NKD1: variants seen among roughly 807,000 people sequenced by gnomAD.
NKD1 encodes protein naked cuticle homolog 1.
Under a neutral mutation model 56.0 loss-of-function variants are expected in NKD1, and 21 were observed. The observed-to-expected ratio is 0.38, with a 90% CI of 0.27 to 0.54. The LOEUF is 0.54. Among genes scored for constraint, NKD1 ranks in the 20% least tolerant of loss-of-function variants. The probability of loss-of-function intolerance (pLI) is 0.82; values close to 1 mark genes in which losing one functional copy is unlikely to be tolerated. For synonymous variants in NKD1, 263 were observed against 265.7 expected (o/e 0.99, Z 0.10); for missense variants, 578 against 642.7 (o/e 0.90, Z 1.09).
At chr16:50,625,026 C>T (rs912574845) in intron 5 of NKD1, among the ~76,000 whole-genome samples, 3 of 152,158 alleles carry the variant, frequency 2.0e-5, no homozygotes, top group African/African-American at 4.8e-5. Context: ...TGCCCAGGGT[C>T]ACACAGCTGT....
At position 50,598,473 on chromosome 16, in the gene NKD1, A is replaced by G. The variant is rs573037574; in HGVS notation, c.193-9821A>G. On this transcript the variant is annotated intron_variant, in intron 3 of 9. Transcript: ENST00000268459. The surrounding 1 kb of genome is among the most constrained non-coding windows in gnomAD (Gnocchi z 4.2). Reference sequence around the variant, plus strand: ...GGGCAGGAGCACACATCCTTTCCCCACAGTGAGGTGGCCTATGGCTATGGG... The same window carrying G: ...GGGCAGGAGCACACATCCTTTCCCCGCAGTGAGGTGGCCTATGGCTATGGG... Among the ~76,000 whole-genome samples, 1 of 152,210 alleles carries G rather than the reference A, an allele frequency of 6.6e-6. No individual in the cohort carries two copies. Among genetic ancestry groups the G allele is most frequent in the East Asian group, 1.9e-4 (1 of 5,162 alleles).
intron 5 of NKD1, 101 bp downstream of exon 5, chr16:50,621,809 C>A: frequency 1.2e-6 from 1 of 842,676 alleles, no homozygotes; most frequent in Non-Finnish European, 1.9e-6. Flanking sequence ...GACAGGAAGG[C>A]CCCTCCCCTG....
intron 3 of NKD1, among the ~76,000 whole-genome samples, chr16:50,582,761 C>T (rs1438668263): frequency 6.6e-6 from 1 of 152,230 alleles, no homozygotes; most frequent in African/African-American, 2.4e-5. Flanking sequence ...GTAATCCTAG[C>T]ACTTTGGGAG....
rs531666126 is a variant in NKD1 at position 50,601,418 on chromosome 16, C to T, written c.193-6876C>T. Among the ~76,000 whole-genome samples the T allele has an allele frequency of 4.6e-5, 7 of 152,352 alleles. 1 individual carries two copies. In the South Asian group the frequency reaches 1.5e-3, roughly 32 times the overall value. ...TAGGGTGGGCCTGCCCCAGGGTTCA[C>T]CGAACAGACACTTTTTCGAGTGCCT... On this transcript the variant is annotated intron_variant, in intron 3 of 9. Coordinates refer to ENST00000268459, the MANE Select transcript of NKD1 (RefSeq NM_033119.5).
At chr16:50,619,866 TGA>T (rs971188671) in intron 4 of NKD1, among the ~76,000 whole-genome samples, 1 of 151,492 alleles carries the variant, frequency 6.6e-6, no homozygotes, top group Non-Finnish European at 1.5e-5. Context: ...CTGGCCTCCA[TGA>T]GAGAGAGAGA....
At chr16:50,614,898 G>A (rs1391453707) in intron 4 of NKD1, among the ~76,000 whole-genome samples, 2 of 152,214 alleles carry the variant, frequency 1.3e-5, no homozygotes, top group South Asian at 2.1e-4. Flanking sequence ...AAGGGCCCGT[G>A]TAGGTGAGAG....
At chr16:50,565,756 A>G (rs1567335720) in intron 3 of NKD1, among the ~76,000 whole-genome samples, 1 of 152,246 alleles carries the variant, frequency 6.6e-6, no homozygotes, top group South Asian at 2.1e-4. Flanking sequence ...AGATTCATGT[A>G]TACATCTGTC....
chr16:50,567,894 T>C (rs1960796484), intron 3 of NKD1, among the ~76,000 whole-genome samples: 1 of 152,268 alleles, frequency 6.6e-6, no homozygotes, highest in Non-Finnish European at 1.5e-5. Flanking sequence ...GTCATAAAAC[T>C]GGCCTCTGCC....
At position 50,562,993 on chromosome 16, in the gene NKD1, C is replaced by G. The variant is rs7498482; in HGVS notation, c.192+13438C>G. Among the ~76,000 whole-genome samples, 373 of 129,594 alleles carry G rather than the reference C, an allele frequency of 2.9e-3. 35 individuals are homozygous for G. The highest frequency in any genetic ancestry group is 0.011 in the African/African-American group (320 of 29,948). 85.0% of individuals were successfully genotyped at this position (129,594 alleles called of 152,430 possible). A position where few individuals can be genotyped will look rare whatever the true frequency, so the allele number is the denominator to read the frequency against. On this transcript the variant is annotated intron_variant, in intron 3 of 9. Coordinates refer to ENST00000268459, the MANE Select transcript of NKD1 (RefSeq NM_033119.5). ...CTGCTAGGTCCCACCACCACCCCCC[C>G]CCCCCGCCGTAGAATGGGTAGAAGA...
At chr16:50,560,451 C>T (rs746408782) in intron 3 of NKD1, among the ~76,000 whole-genome samples, 1 of 152,206 alleles carries the variant, frequency 6.6e-6, no homozygotes, top group Non-Finnish European at 1.5e-5. Context: ...TCTCAGAGCA[C>T]TGTTATGAGG....
rs1187218972 is a variant in NKD1, at chr16:50,647,758, G to A, written c.*13977G>A. The A allele has an allele frequency of 6.6e-6, 1 of 152,252 alleles. No individual in the cohort carries two copies. Among genetic ancestry groups the A allele is most frequent in the Admixed American group, 6.5e-5 (1 of 15,284 alleles). 9.4% of individuals were successfully genotyped at this position (152,252 alleles called of 1,614,324 possible). The stretch of plus-strand genomic sequence containing the variant: ...CCAGCAAACAGAAATGATTCCTACA[G>A]GGGATACAAGCCAGGCACAGGCAGT... On this transcript the variant is annotated 3_prime_UTR_variant, in exon 10 of 10. Transcript: ENST00000268459.
chr16:50,580,491 G>T (rs1241921841), intron 3 of NKD1, among the ~76,000 whole-genome samples: 1 of 152,212 alleles, frequency 6.6e-6, no homozygotes, highest in Non-Finnish European at 1.5e-5. Flanking sequence ...GAGAATAAGG[G>T]TACTCAAACC....
At chr16:50,596,260 TTTCACCAGAA>T (rs1961469830) in intron 3 of NKD1, among the ~76,000 whole-genome samples, 1 of 152,168 alleles carries the variant, frequency 6.6e-6, no homozygotes, top group Admixed American at 6.5e-5. Context: ...AGGCCACCCA[TTTCACCAGAA>T]TGCTGTAGGT....
intron 3 of NKD1, among the ~76,000 whole-genome samples, chr16:50,605,575 G>C (rs1426555453): frequency 3.9e-5 from 6 of 152,276 alleles, no homozygotes; most frequent in South Asian, 2.1e-4. Context: ...GACTTTTCTT[G>C]TCCTTATTCC....
At chr16:50,568,375 C>T (rs1341490982) in intron 3 of NKD1, among the ~76,000 whole-genome samples, 1 of 152,226 alleles carries the variant, frequency 6.6e-6, no homozygotes, top group Non-Finnish European at 1.5e-5. Context: ...GCTGGAGACA[C>T]AGGAAGTCCA....
chr16:50,595,812 C>T (rs1961459941), intron 3 of NKD1, among the ~76,000 whole-genome samples: 1 of 152,230 alleles, frequency 6.6e-6, no homozygotes, highest in African/African-American at 2.4e-5. Context: ...TCACTGGCTT[C>T]CCAGGTGACC....
At position 50,644,257 on chromosome 16, in the gene NKD1, T is replaced by A. The variant is rs1276338917; in HGVS notation, c.*10476T>A. ...TGTACTTATCTATGCCTCTAATTAT[T>A]TGGTTTCCACCAAAGCACTTGTTCA... On this transcript the variant is annotated 3_prime_UTR_variant, in exon 10 of 10. Transcript: ENST00000268459. The A allele has an allele frequency of 6.6e-6, 1 of 152,256 alleles. No individual in the cohort carries two copies. Among genetic ancestry groups the A allele is most frequent in the African/African-American group, 2.4e-5 (1 of 41,468 alleles). The allele number at this position is 152,256 out of a possible 1,614,324, so 9.4% of individuals were successfully genotyped here.
At chr16:50,571,358 C>G (rs957627409) in intron 3 of NKD1, 1 of 362,244 alleles carries the variant, frequency 2.8e-6, no homozygotes, top group Non-Finnish European at 3.8e-6. Flanking sequence ...AGCAGCTGGC[C>G]GCACAGCCTG....
intron 2 of NKD1, chr16:50,548,983 G>A: frequency 2.5e-6 from 2 of 808,814 alleles, no homozygotes; most frequent in Non-Finnish European, 2.8e-6. Context: ...TCCCCCTCCC[G>A]CGTCCCTGCC....
Sources: gnomAD v4.1 joint callset for allele counts (sites outside exome capture counted in the v4.1 genomes callset) on GRCh38, gnomAD v4.1.1 for gene constraint, Gnocchi (gnomAD v3.1) non-coding constraint, MANE v1.5 for transcripts, NCBI Gene and HGNC (gene_info 2026-07-23, HGNC 2026-07-21) for gene names.